HYDIN: variants seen among roughly 807,000 people sequenced by gnomAD.
HYDIN encodes axonemal central pair apparatus protein HYDIN.
Under a neutral mutation model 403.9 loss-of-function variants are expected in HYDIN, and 132 were observed. The ratio of observed to expected loss-of-function variants is 0.33; its 90% CI spans 0.28 to 0.38. The LOEUF (loss-of-function observed/expected upper bound fraction) is 0.38. Ranked by LOEUF, HYDIN falls within the 10% of genes least tolerant of loss-of-function variation. The pLI, the probability that HYDIN is intolerant of heterozygous loss-of-function variation, is 1.00. For synonymous variants in HYDIN, 1,202 were observed against 1,891.7 expected (o/e 0.64, Z 9.46); for missense variants, 2,827 against 5,009.5 (o/e 0.56, Z 13.15).
intron 77 of HYDIN, among the ~76,000 whole-genome samples, chr16:70,836,864 G>A (rs1248334616): frequency 1.3e-5 from 2 of 152,206 alleles, no homozygotes; most frequent in Admixed American, 6.5e-5. Context: ...ACAAGTGAAA[G>A]ACCAATAGGA....
chr16:70,840,559 T>A (rs1385859847), intron 75 of HYDIN, among the ~76,000 whole-genome samples: 1 of 152,226 alleles, frequency 6.6e-6, no homozygotes, highest in African/African-American at 2.4e-5. Context: ...TGGATGCCCA[T>A]GTGCCTAGGT....
chr16:71,151,301 G>C (rs2085528729), intron 7 of HYDIN, among the ~76,000 whole-genome samples: 2 of 152,076 alleles, frequency 1.3e-5, no homozygotes, highest in East Asian at 3.9e-4. Flanking sequence ...TTGTTCTGCT[G>C]AGCAATGTGG....
rs781266592 is a variant in HYDIN, at chr16:70,964,924, T to C, written c.5620-28A>G. The C allele has an allele frequency of 7.8e-5, 125 of 1,611,464 alleles. 1 individual carries two copies. Among genetic ancestry groups the C allele is most frequent in the South Asian group, 1.8e-4 (16 of 90,984 alleles). ...GCTCGAGGGGAGAAAGAGAATCCTG[T>C]TGGTCTCACTAGAAATCTCCCTGCA... On this transcript the variant is annotated intron_variant, in intron 36 of 85. Transcript: ENST00000393567.
intron 23 of HYDIN, among the ~76,000 whole-genome samples, chr16:70,995,328 C>A (rs957835024): frequency 1.3e-5 from 2 of 152,088 alleles, no homozygotes; most frequent in Non-Finnish European, 2.9e-5. Context: ...CAAACAAGAA[C>A]AATCGATACT....
In HYDIN at chr16:71,077,798, T is replaced by C. The variant is rs1232734135; in HGVS notation, c.1738+2087A>G. ...ATATACATTACTAAATGAATAAAGG[T>C]CCCCATTAAATACATTTTCCTACTG... On this transcript the variant is annotated intron_variant, in intron 13 of 85. Transcript: ENST00000393567. Among the ~76,000 whole-genome samples the C allele has an allele frequency of 2.6e-5, 4 of 151,326 alleles. No individual in the cohort carries two copies. In the East Asian group the frequency reaches 7.8e-4, roughly 29 times the overall value.
intron 1 of HYDIN, among the ~76,000 whole-genome samples, chr16:71,201,854 T>C (rs555801608): frequency 2.0e-5 from 3 of 152,368 alleles, no homozygotes; most frequent in East Asian, 3.9e-4. Flanking sequence ...GCTGTGACCA[T>C]AGTATCTTGA....
intron 13 of HYDIN, among the ~76,000 whole-genome samples, chr16:71,075,126 TTGG>T (rs2082590240): frequency 6.7e-6 from 1 of 149,802 alleles, no homozygotes; most frequent in Non-Finnish European, 1.5e-5. Flanking sequence ...GTGGATTAAG[TTGG>T]TTTTTGAGAT....
chr16:71,055,171 G>A (rs1463593882), intron 18 of HYDIN, among the ~76,000 whole-genome samples: 4 of 152,426 alleles, frequency 2.6e-5, no homozygotes, highest in Admixed American at 2.6e-4. Flanking sequence ...GGTAAAGTTA[G>A]GCGGTTCATT....
rs1422908315 is a variant in HYDIN at position 70,861,224 on chromosome 16, T to G, written c.11778-323A>C. ...TAGGCATTTAGTGGGATATGGAAAGTGACCTGGAAATCCTAAAAAAGTATC... is the reference window on the plus strand; with the variant it reads ...TAGGCATTTAGTGGGATATGGAAAGGGACCTGGAAATCCTAAAAAAGTATC... On this transcript the variant is annotated intron_variant, in intron 69 of 85. Coordinates refer to ENST00000393567, the MANE Select transcript of HYDIN (RefSeq NM_001270974.2). Among the ~76,000 whole-genome samples, 5 of 152,246 alleles carry G rather than the reference T, an allele frequency of 3.3e-5. No individual in the cohort carries two copies. In the South Asian group the frequency reaches 1.0e-3, roughly 32 times the overall value.
chr16:71,015,982 C>G (rs544027051), intron 23 of HYDIN, among the ~76,000 whole-genome samples: 14 of 152,002 alleles, frequency 9.2e-5, no homozygotes, highest in African/African-American at 3.1e-4. Flanking sequence ...TGAACCAGAA[C>G]AGAAACCCAT....
intron 9 of HYDIN, among the ~76,000 whole-genome samples, chr16:71,127,562 G>A (rs370330184): frequency 1.4e-5 from 2 of 147,972 alleles, no homozygotes; most frequent in African/African-American, 5.0e-5. Flanking sequence ...ATAAGGAGAA[G>A]CTCATTGGAG....
rs753520173 is a variant in HYDIN, at chr16:70,862,117, T to A, written c.11708A>T (p.Lys3903Met). Residue 3903 changes from lysine to methionine, a missense_variant, in exon 69 of 86, where the codon AAG (lysine) becomes ATG (methionine). Coordinates refer to ENST00000393567, the MANE Select transcript of HYDIN (RefSeq NM_001270974.2). ...GAATTTTACTTTGAACTTCTGAATC[T>A]TCCCCACCGGCACGATTCCCGAAGA... ...EPSSGIVPVG[K>M]IQKFKVKFSP... is the part of the protein sequence containing the mutation. 1 of 1,612,452 alleles carries A rather than the reference T, an allele frequency of 6.2e-7. No homozygotes were observed. Among genetic ancestry groups the A allele is most frequent in the South Asian group, 1.1e-5 (1 of 90,612 alleles).
intron 13 of HYDIN, among the ~76,000 whole-genome samples, chr16:71,074,707 C>CAAAAAAAAAAAAA (rs59315287): frequency 8.1e-5 from 7 of 86,190 alleles, no homozygotes; most frequent in South Asian, 4.4e-4. Context: ...CAAAAAACAC[C>CAAAAAAAAAAAAA]AAAAAAAAAA....
intron 50 of HYDIN, among the ~76,000 whole-genome samples, chr16:70,904,484 T>TA: frequency 3.0e-5 from 1 of 33,248 alleles, no homozygotes; most frequent in Non-Finnish European, 5.4e-5. Flanking sequence ...GTAACTTTTT[T>TA]TTTTTTTTTT....
intron 35 of HYDIN, among the ~76,000 whole-genome samples, chr16:70,971,411 C>T (rs1183827239): frequency 8.5e-5 from 13 of 152,094 alleles, no homozygotes; most frequent in African/African-American, 3.1e-4. Context: ...AAATGGTACC[C>T]AAATCTACAT....
At chr16:71,013,372 AAAGGTCAGTGCCAG>A (rs1177000762) in intron 23 of HYDIN, among the ~76,000 whole-genome samples, 3 of 147,694 alleles carry the variant, frequency 2.0e-5, no homozygotes, top group African/African-American at 7.4e-5. Context: ...GGGTAAACAG[AAAGGTCAGTGCCAG>A]AAGCACAGAG....
chr16:70,920,796 T>C lies in HYDIN; in HGVS notation c.7580A>G (p.Glu2527Gly), dbSNP rs1411006107. Reference protein sequence around the residue: ...EKERTEKERLEREKAERERLE... With the variant: ...EKERTEKERLGREKAERERLE... ...GCGCTCCCGCTCCGCCTTCTCCCTC[T>C]CCAGGCGCTCCTTCTCCGTGCGCTC... The change falls in exon 46 of 86, where the codon GAG (glutamate) becomes GGG (glycine). Residue 2527 changes from glutamate (E) to glycine (G), a missense_variant. Transcript: ENST00000393567. 6.4e-7 allele frequency: 1 copy of C among 1,560,632 alleles called. No individual in the cohort carries two copies. The highest frequency in any genetic ancestry group is 2.4e-5 in the East Asian group (1 of 41,582).
At chr16:71,196,016 G>C (rs967174736) in intron 1 of HYDIN, among the ~76,000 whole-genome samples, 1 of 152,086 alleles carries the variant, frequency 6.6e-6, no homozygotes, top group Non-Finnish European at 1.5e-5. Flanking sequence ...ACAGAGAAAG[G>C]TATGGTTGCA....
At chr16:70,836,449 C>T (rs546849295) in intron 77 of HYDIN, among the ~76,000 whole-genome samples, 24 of 152,284 alleles carry the variant, frequency 1.6e-4, no homozygotes, top group South Asian at 8.3e-4. Context: ...GGCTTCTTTA[C>T]GGAGAATGGG....
Sources: allele counts gnomAD v4.1 joint callset (sites outside exome capture counted in the v4.1 genomes callset), GRCh38; gene constraint gnomAD v4.1.1; transcripts MANE v1.5; gene names NCBI Gene and HGNC (gene_info 2026-07-23, HGNC 2026-07-21).